The following TKT variants were observed in gnomAD, a reference collection of about 807,000 sequenced individuals.
TKT encodes the protein epididymis luminal protein 107.
In TKT, 47 loss-of-function variants were observed where a neutral mutation model predicts 63.9. The observed-to-expected ratio is 0.74, with a 90% CI of 0.58 to 0.94. The LOEUF is 0.94. Ranked by LOEUF, TKT falls within the 40% of genes least tolerant of loss-of-function variation. TKT has a pLI of 0.00. For missense variants in TKT, 721 were observed against 846.2 expected (o/e 0.85, Z 1.84); for synonymous variants, 338 against 334.1 (o/e 1.01, Z -0.13).
intron 1 of TKT, among the ~76,000 whole-genome samples, chr3:53,254,660 T>C (rs1469024789): frequency 6.6e-6 from 1 of 152,208 alleles, no homozygotes; most frequent in Non-Finnish European, 1.5e-5. Flanking sequence ...GCTGGCACTG[T>C]GGCCTCAAAG....
chr3:53,226,719 G>A, intron 13 of TKT, 37 bp downstream of exon 13: 3 of 1,613,828 alleles, frequency 1.9e-6, no homozygotes, highest in Non-Finnish European at 2.5e-6. Context: ...CTCTGGCCCT[G>A]TCCCTTGCCC....
Position 53,228,302 on chromosome 3 carries a change from C to T in TKT, c.1453G>A (p.Glu485Lys). 1 of 1,614,182 alleles carries T rather than the reference C, an allele frequency of 6.2e-7. No homozygotes were observed. Among genetic ancestry groups the T allele is most frequent in the Middle Eastern group, 1.6e-4 (1 of 6,062 alleles). The change falls in exon 11 of 14, where the codon GAG becomes AAG. Residue 485 changes from glutamate (E) to lysine (K), a missense_variant. Transcript: ENST00000462138. The part of the protein sequence containing the change: ...PENAIIYNNN[E>K]DFQVGQAKVV... ...TTGGCTTGTCCGACCTGGAAGTCCT[C>T]ATTGTTGTTATAGATGATGGCATTT...
chr3:53,228,808 T>C (rs1161823967), intron 10 of TKT, 199 bp downstream of exon 10: 6 of 740,534 alleles, frequency 8.1e-6, no homozygotes, highest in African/African-American at 3.5e-5. Context: ...TGGCAATCAG[T>C]TGACAATGTC....
chr3:53,228,557 G>A, intron 10 of TKT, 198 bp from the exon 11 acceptor site: 2 of 603,802 alleles, frequency 3.3e-6, no homozygotes, highest in South Asian at 1.9e-5. Flanking sequence ...CCACCACCTT[G>A]CAGCCTCAGA....
intron 1 of TKT, among the ~76,000 whole-genome samples, chr3:53,249,589 A>G (rs1705662184): frequency 1.3e-5 from 2 of 152,154 alleles, no homozygotes; most frequent in South Asian, 4.1e-4. Flanking sequence ...TGTCAAACAA[A>G]CAAATAAATG....
At chr3:53,228,200 T>C in intron 11 of TKT, 51 bp from the exon 12 acceptor site, 1 of 1,612,838 alleles carries the variant, frequency 6.2e-7, no homozygotes, top group South Asian at 1.1e-5. Context: ...GGGCAGGGTG[T>C]GCCCTGACTG....
At chr3:53,241,783 C>G in intron 2 of TKT, 1 of 335,126 alleles carries the variant, frequency 3.0e-6, no homozygotes, top group South Asian at 2.9e-5. Context: ...GGTAGGGAGC[C>G]ACAACCCAGA....
At chr3:53,249,393 C>A (rs1056796999) in intron 1 of TKT, among the ~76,000 whole-genome samples, 11 of 152,026 alleles carry the variant, frequency 7.2e-5, no homozygotes, top group African/African-American at 2.4e-4. Context: ...ACCAGCCTGG[C>A]CAACATGGTG....
chr3:53,226,874 C>CTT lies in TKT; in HGVS notation c.1576_1577dup (p.Ile527ArgfsTer51). On this transcript the variant is annotated frameshift_variant, in exon 13 of 14. Coordinates refer to ENST00000462138, the MANE Select transcript of TKT (RefSeq NM_001064.4). LOFTEE classifies it high-confidence loss of function. ...AGGGGTCCAGCACGCGGATGTTGAT[C>CTT]TTTTCTGTGAGGGAGAGCACACGGC... 1 of 1,607,268 alleles carries CTT rather than the reference C, an allele frequency of 6.2e-7. No individual in the cohort carries two copies. Among genetic ancestry groups the CTT allele is most frequent in the African/African-American group, 1.3e-5 (1 of 74,938 alleles).
At chr3:53,228,222 A>C (rs529668831) in intron 11 of TKT, 54 bp downstream of exon 11, 15 of 1,613,314 alleles carry the variant, frequency 9.3e-6, no homozygotes, top group Non-Finnish European at 1.3e-5. Context: ...TGGGAGTCAC[A>C]GCAGGGAGGG....
chr3:53,226,634 G>T (rs1704508303), intron 13 of TKT, 122 bp downstream of exon 13: 2 of 1,437,602 alleles, frequency 1.4e-6, no homozygotes, highest in East Asian at 2.3e-5. Context: ...CTGCTCTGAG[G>T]GACAGCTCTG....
Position 53,235,010 on chromosome 3 carries a change from A to G in TKT, c.602T>C (p.Ile201Thr). 6.2e-7 allele frequency: 1 copy of G among 1,613,826 alleles called. No homozygotes were observed. The highest frequency in any genetic ancestry group is 8.5e-7 in the Non-Finnish European group (1 of 1,179,910). ...GAAGGCCTCGCACCGCTTCTGGTAG[A>G]TGTCCATCTGGTGCTGCAGTGGGGC... is the stretch of plus-strand genomic sequence containing the variant. ...DPAPLQHQMDIYQKRCEAFGW... is the reference protein window; with the variant it reads ...DPAPLQHQMDTYQKRCEAFGW... The change falls in exon 5 of 14, where the codon ATC (isoleucine) becomes ACC (threonine). Residue 201 changes from isoleucine to threonine, a missense_variant. Coordinates refer to ENST00000462138, the MANE Select transcript of TKT (RefSeq NM_001064.4).
chr3:53,251,359 A>G (rs529926516), intron 1 of TKT, among the ~76,000 whole-genome samples: 54 of 152,330 alleles, frequency 3.5e-4, no homozygotes, highest in Non-Finnish European at 7.2e-4. Context: ...CACTTCTGAC[A>G]AGGCCACTGG....
Position 53,230,582 on chromosome 3 carries a change from G to C in TKT, c.982C>G (p.Leu328Val), listed in dbSNP as rs539150874. ...ATGATGCGGTCACTGGCATGGCCCA[G>C]CTTGGCCAGTGCCTGCCCGTAGGCC... ...RKAYGQALAK[L>V]GHASDRIIAL... The change falls in exon 8 of 14, where the codon CTG (leucine) becomes GTG (valine). Residue 328 changes from leucine to valine, a missense_variant. Physicochemically the swap from Leu to Val is conservative, Grantham distance 32 (BLOSUM62 1). Coordinates refer to ENST00000462138, the MANE Select transcript of TKT (RefSeq NM_001064.4). The C allele has an allele frequency of 1.1e-4, 184 of 1,614,226 alleles. 1 individual carries two copies. In the South Asian group the frequency reaches 1.9e-3, roughly 17 times the overall value.
intron 1 of TKT, among the ~76,000 whole-genome samples, chr3:53,252,131 A>T (rs1372735423): frequency 6.6e-6 from 1 of 152,162 alleles, no homozygotes; most frequent in Non-Finnish European, 1.5e-5. Context: ...CAAGAGTGAA[A>T]CTCCATCTCA....
chr3:53,241,119 C>T lies in TKT; in HGVS notation c.339+13G>A. The T allele has an allele frequency of 6.5e-7, 1 of 1,546,374 alleles. No homozygotes were observed. The highest frequency in any genetic ancestry group is 8.7e-7 in the Non-Finnish European group (1 of 1,154,922). On this transcript the variant is annotated intron_variant, in intron 3 of 13. Coordinates refer to ENST00000462138, the MANE Select transcript of TKT (RefSeq NM_001064.4). ...GAGGCAGAGGCATGGGAGGCTCTGG[C>T]AGGAGCACTTACCGGGACCGGGTGC...
chr3:53,226,838 C>T lies in TKT; in HGVS notation c.1614G>A (p.Lys538=). Residue 538 remains lysine, a synonymous_variant, in exon 13 of 14, where the codon AAG becomes AAA. Coordinates refer to ENST00000462138, the MANE Select transcript of TKT (RefSeq NM_001064.4). ...NIRVLDPFTI[K]PLDRKLILDS... is the part of the protein sequence containing the mutation. ...CGAGAATGAGTTTTCTGTCCAGGGG[C>T]TTGATGGTGAAGGGGTCCAGCACGC... is the stretch of plus-strand genomic sequence containing the variant. 3.7e-6 allele frequency: 6 copies of T among 1,613,744 alleles called. No individual in the cohort carries two copies. Among genetic ancestry groups the T allele is most frequent in the Non-Finnish European group, 5.1e-6 (6 of 1,179,798 alleles).
rs200388751 is a variant in TKT at position 53,230,442 on chromosome 3, G to T, written c.1107+15C>A. ...AGCCTTGGGTGGACCTGTCCCTGCC[G>T]GCCCCAGCACCTACCATGTTCTGCT... On this transcript the variant is annotated intron_variant, in intron 8 of 13. Transcript: ENST00000462138. The T allele has an allele frequency of 2.5e-6, 4 of 1,613,970 alleles. No homozygotes were observed. The South Asian group carries it at 3.3e-5, about 13-fold the overall frequency.
intron 2 of TKT, 49 bp from the exon 3 acceptor site, chr3:53,241,294 C>T (rs1443033670): frequency 4.6e-6 from 7 of 1,528,268 alleles, no homozygotes; most frequent in African/African-American, 1.4e-5. Context: ...AGCGGTTCTA[C>T]TTCGGGCTGT....
Sources: gnomAD v4.1 joint callset for allele counts (sites outside exome capture counted in the v4.1 genomes callset) on GRCh38, gnomAD v4.1.1 for gene constraint, MANE v1.5 for transcripts, NCBI Gene and HGNC (gene_info 2026-07-23, HGNC 2026-07-21) for gene names.